The following LPP variants were observed in gnomAD, a reference collection of about 807,000 sequenced individuals.
The protein encoded by LPP is LIM domain containing preferred translocation partner in lipoma, also known as lipoma-preferred partner.
In LPP, 38 loss-of-function variants were observed where a neutral mutation model predicts 60.4. That is an observed-to-expected ratio of 0.63 (90% confidence interval 0.49 to 0.83). The LOEUF is 0.83. Ranked by LOEUF, LPP falls within the 40% of genes least tolerant of loss-of-function variation. The pLI, the probability that LPP is intolerant of heterozygous loss-of-function variation, is 0.00. For missense variants in LPP, 902 were observed against 783.6 expected (o/e 1.15, Z -1.80); for synonymous variants, 328 against 290.8 (o/e 1.13, Z -1.30).
chr3:188,602,868 G>A lies in LPP; in HGVS notation c.430-6293G>A, dbSNP rs6783223. ...GGTAAAGCTGGCACTTTTTTTCTCG[G>A]TCTCCCAAGTTCCAGTGCACAACTC... is the stretch of plus-strand genomic sequence containing the variant. On this transcript the variant is annotated intron_variant, in intron 6 of 11. Transcript: ENST00000617246. Among the ~76,000 whole-genome samples, 451 of 151,446 alleles carry A rather than the reference G, an allele frequency of 3.0e-3. 2 individuals are homozygous for A. The highest frequency in any genetic ancestry group is 0.011 in the African/African-American group (443 of 41,296).
intron 6 of LPP, among the ~76,000 whole-genome samples, chr3:188,531,640 C>A (rs151245777): frequency 2.0e-5 from 3 of 152,246 alleles, no homozygotes; most frequent in African/African-American, 7.2e-5. Context: ...TTGTTAAGCA[C>A]ATCTTTATGC....
At chr3:188,767,762 G>A (rs1442482376) in intron 9 of LPP, among the ~76,000 whole-genome samples, 3 of 152,120 alleles carry the variant, frequency 2.0e-5, no homozygotes, top group Non-Finnish European at 2.9e-5. Context: ...GCATAGCAAT[G>A]AGAACGGGAT....
intron 6 of LPP, among the ~76,000 whole-genome samples, chr3:188,577,752 C>T (rs201318811): frequency 3.5e-5 from 4 of 114,986 alleles, no homozygotes; most frequent in African/African-American, 3.1e-5. Flanking sequence ...TTTGTTCCTT[C>T]GTTCCTTCGT....
At chr3:188,698,310 G>A (rs1446860436) in intron 7 of LPP, among the ~76,000 whole-genome samples, 1 of 152,046 alleles carries the variant, frequency 6.6e-6, no homozygotes, top group Non-Finnish European at 1.5e-5. Flanking sequence ...TCTTGCCTAG[G>A]TGAAGCCATC....
intron 9 of LPP, among the ~76,000 whole-genome samples, chr3:188,823,005 T>C (rs1203549161): frequency 1.3e-5 from 2 of 152,154 alleles, no homozygotes; most frequent in Non-Finnish European, 2.9e-5. Context: ...TAGATGACAT[T>C]TCTTTTCCTG....
At chr3:188,282,300 T>C (rs1204020010) in intron 2 of LPP, among the ~76,000 whole-genome samples, 1 of 152,220 alleles carries the variant, frequency 6.6e-6, no homozygotes, top group African/African-American at 2.4e-5. Flanking sequence ...TTCCTGCTGA[T>C]ATACTTTCTG....
chr3:188,310,406 C>T (rs1753040700), intron 2 of LPP, among the ~76,000 whole-genome samples: 2 of 151,880 alleles, frequency 1.3e-5, no homozygotes, highest in South Asian at 4.1e-4. Context: ...GCTATAGGTG[C>T]TTGGGAGTGA....
chr3:188,342,822 G>A (rs768517889), intron 3 of LPP, among the ~76,000 whole-genome samples: 10 of 152,106 alleles, frequency 6.6e-5, no homozygotes, highest in East Asian at 3.9e-4. Context: ...ATAAGAACAC[G>A]TGCAGACAAG....
chr3:188,273,322 T>G (rs1407314966), intron 2 of LPP, among the ~76,000 whole-genome samples: 1 of 152,250 alleles, frequency 6.6e-6, no homozygotes. Flanking sequence ...TGAGGATTTC[T>G]ACTTTCTTAT....
intron 5 of LPP, among the ~76,000 whole-genome samples, chr3:188,502,562 A>G (rs1812226360): frequency 6.6e-6 from 1 of 152,146 alleles, no homozygotes; most frequent in Non-Finnish European, 1.5e-5. Flanking sequence ...TATTCTGCCA[A>G]CCCGTCTTTT....
At chr3:188,694,195 T>C (rs1421771775) in intron 7 of LPP, among the ~76,000 whole-genome samples, 2 of 152,220 alleles carry the variant, frequency 1.3e-5, no homozygotes, top group African/African-American at 4.8e-5. Context: ...TTCAGTTTGG[T>C]CACTGGAAAA....
intron 5 of LPP, among the ~76,000 whole-genome samples, chr3:188,518,724 T>C (rs1818071610): frequency 6.6e-6 from 1 of 152,232 alleles, no homozygotes; most frequent in African/African-American, 2.4e-5. Flanking sequence ...CATGGTCATG[T>C]ATGTTTTGAG....
intron 4 of LPP, among the ~76,000 whole-genome samples, chr3:188,434,586 T>C (rs1038429789): frequency 6.6e-6 from 1 of 152,210 alleles, no homozygotes; most frequent in Non-Finnish European, 1.5e-5. Context: ...AATATTTTCT[T>C]GTCATCTGCC....
chr3:188,477,033 C>T (rs766994453), intron 4 of LPP, among the ~76,000 whole-genome samples: 3 of 152,200 alleles, frequency 2.0e-5, no homozygotes, highest in African/African-American at 4.8e-5. Context: ...TTCATAAGTG[C>T]TTGCTCTCCC....
intron 6 of LPP, among the ~76,000 whole-genome samples, chr3:188,537,097 C>G (rs1823836518): frequency 1.3e-5 from 2 of 152,160 alleles, no homozygotes; most frequent in Non-Finnish European, 1.5e-5. Context: ...AATTTTAGAG[C>G]TTTTTCTCCC....
intron 7 of LPP, among the ~76,000 whole-genome samples, chr3:188,704,832 C>T (rs1865162734): frequency 6.6e-6 from 1 of 152,016 alleles, no homozygotes; most frequent in Non-Finnish European, 1.5e-5. Flanking sequence ...TGTCCACGTT[C>T]TTACCCAAGG....
In LPP at chr3:188,875,621, C is replaced by T. The variant is rs889140356; in HGVS notation, c.*1142C>T. ...ACCACAGTTTCATTATTCTCATAAT[C>T]CTTCTGCAACTGAAATTACATATTG... On this transcript the variant is annotated 3_prime_UTR_variant, in exon 12 of 12. Transcript: ENST00000617246. The T allele has an allele frequency of 9.7e-6, 2 of 205,272 alleles. No individual in the cohort carries two copies. The highest frequency in any genetic ancestry group is 2.0e-5 in the Non-Finnish European group (2 of 100,308). 12.7% of individuals were successfully genotyped at this position (205,272 alleles called of 1,614,324 possible). A position where few individuals can be genotyped will look rare whatever the true frequency, so the allele number is the denominator to read the frequency against.
At chr3:188,765,861 C>CTTTTTTTTTTTTTTTTTTTTTTTTTTTTT (rs71169019) in intron 9 of LPP, among the ~76,000 whole-genome samples, 1 of 92,618 alleles carries the variant, frequency 1.1e-5, no homozygotes, top group Non-Finnish European at 2.0e-5. Context: ...ATGTTCAACT[C>CTTTTTTTTTTTTTTTTTTTTTTTTTTTTT]TTTTTTTTTT....
intron 5 of LPP, among the ~76,000 whole-genome samples, chr3:188,507,629 C>T (rs2149970907): frequency 6.6e-6 from 1 of 152,180 alleles, no homozygotes; most frequent in Non-Finnish European, 1.5e-5. Flanking sequence ...TCAGCAAAAC[C>T]TTGTATAGCA....
Sources: gnomAD v4.1 joint callset for allele counts (sites outside exome capture counted in the v4.1 genomes callset) on GRCh38, gnomAD v4.1.1 for gene constraint, MANE v1.5 for transcripts, NCBI Gene and HGNC (gene_info 2026-07-23, HGNC 2026-07-21) for gene names.